Variants in REDIC1 observed in about 807,000 individuals in gnomAD.
The protein encoded by REDIC1 is HEI10 Interacting Protein 1.
At chr12:39,717,133 A>ACATATATATGTTATATATATG in the REDIC1 span, among the ~76,000 whole-genome samples, 1 of 144,278 alleles carries the variant, frequency 6.9e-6, no homozygotes. Flanking sequence ...ACATATATAT[A>ACATATATATGTTATATATATG]CATATATATG....
At chr12:39,834,224 T>C in the REDIC1 span, among the ~76,000 whole-genome samples, 5 of 152,154 alleles carry the variant, frequency 3.3e-5, no homozygotes, top group East Asian at 9.6e-4. Context: ...ATTATGACTC[T>C]TGAGATAGGT....
the REDIC1 span, among the ~76,000 whole-genome samples, chr12:39,713,371 CAT>C: frequency 0.014 from 1,871 of 129,684 alleles, 63 homozygotes; most frequent in Non-Finnish European, 0.023. Context: ...CGTGTATACA[CAT>C]ATACATATGT....
chr12:39,817,196 C>T, the REDIC1 span, among the ~76,000 whole-genome samples: 2 of 152,192 alleles, frequency 1.3e-5, no homozygotes, highest in Non-Finnish European at 2.9e-5. Context: ...CACAGGAGTA[C>T]TCAACAAATT....
the REDIC1 span, among the ~76,000 whole-genome samples, chr12:39,751,108 T>G: frequency 3.3e-5 from 5 of 152,146 alleles, no homozygotes; most frequent in Non-Finnish European, 5.9e-5. Context: ...AAGAAACTAC[T>G]ATCAGAGCGA....
the REDIC1 span, among the ~76,000 whole-genome samples, chr12:39,749,572 A>G: frequency 6.6e-6 from 1 of 152,224 alleles, no homozygotes; most frequent in Non-Finnish European, 1.5e-5. Flanking sequence ...TCATTTTATG[A>G]GGCCAGCATC....
chr12:39,874,755 C>T, the REDIC1 span, among the ~76,000 whole-genome samples: 2 of 151,908 alleles, frequency 1.3e-5, no homozygotes, highest in Non-Finnish European at 2.9e-5. Context: ...AATCACAAAG[C>T]GAAGTTTAAA....
At chr12:39,705,387 C>T in the REDIC1 span, among the ~76,000 whole-genome samples, 8 of 152,030 alleles carry the variant, frequency 5.3e-5, no homozygotes, top group Admixed American at 3.3e-4. Context: ...AAACATGTAA[C>T]GAAGAACTAA....
chr12:39,810,788 A>T, the REDIC1 span, among the ~76,000 whole-genome samples: 3 of 152,210 alleles, frequency 2.0e-5, no homozygotes, highest in South Asian at 2.1e-4. Context: ...TTGAATACAG[A>T]TGTTAAATCA....
At chr12:39,712,471 TATATA>T in the REDIC1 span, among the ~76,000 whole-genome samples, 61 of 137,304 alleles carry the variant, frequency 4.4e-4, no homozygotes, top group Admixed American at 4.1e-3. Flanking sequence ...TACGTATGTA[TATATA>T]CATACAGGTA....
At chr12:39,859,410 A>C in the REDIC1 span, among the ~76,000 whole-genome samples, 1 of 145,662 alleles carries the variant, frequency 6.9e-6, no homozygotes, top group Non-Finnish European at 1.5e-5. Context: ...CCTGGGGAGC[A>C]TTTCAAAACA....
the REDIC1 span, among the ~76,000 whole-genome samples, chr12:39,858,934 A>G: frequency 2.0e-5 from 3 of 152,146 alleles, no homozygotes; most frequent in Non-Finnish European, 4.4e-5. Flanking sequence ...GGTTGCATAA[A>G]AGTTTTATGA....
At chr12:39,781,579 CA>C in the REDIC1 span, among the ~76,000 whole-genome samples, 1 of 152,204 alleles carries the variant, frequency 6.6e-6, no homozygotes, top group Non-Finnish European at 1.5e-5. Context: ...TCCTTATTTT[CA>C]AAGCGATTTT....
At chr12:39,733,865 AG>A in the REDIC1 span, among the ~76,000 whole-genome samples, 1 of 152,178 alleles carries the variant, frequency 6.6e-6, no homozygotes, top group African/African-American at 2.4e-5. Flanking sequence ...CTGCTGAACT[AG>A]GCTACTTAGC....
chr12:39,724,056 G>T, the REDIC1 span, among the ~76,000 whole-genome samples: 2 of 152,080 alleles, frequency 1.3e-5, no homozygotes, highest in Non-Finnish European at 2.9e-5. Flanking sequence ...TTCCCGAGGG[G>T]TGTCTTTTGG....
the REDIC1 span, among the ~76,000 whole-genome samples, chr12:39,834,842 T>C: frequency 6.6e-5 from 10 of 152,080 alleles, no homozygotes; most frequent in African/African-American, 2.2e-4. Context: ...CAACTTCAAC[T>C]TGACATTTAG....
the REDIC1 span, among the ~76,000 whole-genome samples, chr12:39,664,023 G>T: frequency 6.6e-6 from 1 of 151,236 alleles, no homozygotes; most frequent in Non-Finnish European, 1.5e-5. Flanking sequence ...AGTCTAATAA[G>T]AATTCACTTA....
the REDIC1 span, among the ~76,000 whole-genome samples, chr12:39,762,369 T>TTAAG: frequency 6.6e-6 from 1 of 152,136 alleles, no homozygotes; most frequent in Non-Finnish European, 1.5e-5. Flanking sequence ...GAGCCCTACA[T>TTAAG]TAAGTTCCAG....
chr12:39,765,720 T>A, the REDIC1 span, among the ~76,000 whole-genome samples: 4 of 152,114 alleles, frequency 2.6e-5, no homozygotes, highest in Non-Finnish European at 4.4e-5. Flanking sequence ...ATTGGCCTCA[T>A]TTAAAAAAAT....
At chr12:39,696,542 C>CA in the REDIC1 span, among the ~76,000 whole-genome samples, 779 of 11,054 alleles carry the variant, frequency 0.07, 319 homozygotes, top group East Asian at 0.13. Context: ...GACTCTGTCT[C>CA]AAAAAAAAAA....
Sources: allele counts gnomAD v4.1 joint callset (sites outside exome capture counted in the v4.1 genomes callset), GRCh38; gene constraint gnomAD v4.1.1; transcripts MANE v1.5; gene names NCBI Gene and HGNC (gene_info 2026-07-23, HGNC 2026-07-21).